RASA1: variants seen among roughly 807,000 people sequenced by gnomAD.
The protein encoded by RASA1 is RAS p21 protein activator 1, also known as ras GTPase-activating protein 1.
Under a neutral mutation model 132.2 loss-of-function variants are expected in RASA1, and 25 were observed. The ratio of observed to expected loss-of-function variants is 0.19; its 90% confidence interval spans 0.14 to 0.26. The LOEUF (loss-of-function observed/expected upper bound fraction) is 0.26, where lower values mean the gene tolerates loss of function less well. Among genes scored for constraint, RASA1 ranks in the 10% least tolerant of loss-of-function variants. The probability of loss-of-function intolerance (pLI) is 1.00; values close to 1 mark genes in which losing one functional copy is unlikely to be tolerated. For synonymous variants in RASA1, 477 were observed against 449.9 expected, an observed-to-expected ratio of 1.06 and a Z score of -0.76; for missense variants, 964 against 1,299.2, an observed-to-expected ratio of 0.74 and a Z score of 3.97.
chr5:87,382,074 C>T (rs773349767), intron 20 of RASA1, among the ~76,000 whole-genome samples: 11 of 152,218 alleles, frequency 7.2e-5, no homozygotes, highest in Non-Finnish European at 1.6e-4. Context: ...GTGCTTCATC[C>T]ACCCAAGTAG....
intron 18 of RASA1, 88 bp downstream of exon 18, chr5:87,378,626 T>C (rs962341935): frequency 1.5e-6 from 2 of 1,338,618 alleles, no homozygotes; most frequent in Non-Finnish European, 2.1e-6. Context: ...TTAAGGAAAA[T>C]ATATTAAATT....
At chr5:87,301,764 G>A (rs554476824) in intron 1 of RASA1, among the ~76,000 whole-genome samples, 58 of 151,822 alleles carry the variant, frequency 3.8e-4, no homozygotes, top group Non-Finnish European at 6.9e-4. Flanking sequence ...AGATTTTGGA[G>A]CATTTTGGAT....
chr5:87,276,463 T>C (rs1249019130), intron 1 of RASA1, among the ~76,000 whole-genome samples: 1 of 152,148 alleles, frequency 6.6e-6, no homozygotes, highest in Admixed American at 6.6e-5. Context: ...GGTATGATGA[T>C]TTTAGGTGTT....
In RASA1 at chr5:87,391,178, A is replaced by G. The variant is rs994469966; in HGVS notation, c.*295A>G. On this transcript the variant is annotated 3_prime_UTR_variant, in exon 25 of 25. Transcript: ENST00000274376. ...AACGAAATGCTATGACTGTATCTTG[A>G]TATCTCGAACTTTCAAAATATATTT... is the stretch of plus-strand genomic sequence containing the variant. 1.6e-5 allele frequency: 8 copies of G among 509,514 alleles called. No individual in the cohort carries two copies. The highest frequency in any genetic ancestry group is 3.4e-5 in the Admixed American group (1 of 29,190). 31.6% of individuals were successfully genotyped at this position (509,514 alleles called of 1,614,324 possible).
At chr5:87,375,024 A>AG (rs1761226830) in intron 15 of RASA1, 108 bp downstream of exon 15, 9 of 1,371,544 alleles carry the variant, frequency 6.6e-6, no homozygotes, top group Admixed American at 2.4e-5. Context: ...AAATGCAAGT[A>AG]GTATAATTTG....
At chr5:87,358,822 A>T (rs1039610112) in intron 9 of RASA1, among the ~76,000 whole-genome samples, 3 of 151,824 alleles carry the variant, frequency 2.0e-5, no homozygotes, top group South Asian at 4.2e-4. Context: ...AATAAGCCAG[A>T]CTCTTTCCTT....
At chr5:87,346,540 ATG>A (rs917143750) in intron 6 of RASA1, 130 bp from the exon 7 acceptor site, 1 of 529,562 alleles carries the variant, frequency 1.9e-6, no homozygotes, top group East Asian at 3.2e-5. Flanking sequence ...TGTAATAAGA[ATG>A]AGATGATTTG....
chr5:87,299,127 A>T (rs1442509914), intron 1 of RASA1, among the ~76,000 whole-genome samples: 2 of 152,234 alleles, frequency 1.3e-5, no homozygotes, highest in Non-Finnish European at 2.9e-5. Flanking sequence ...CCTTAGACAT[A>T]AATACAGGAG....
intron 16 of RASA1, 48 bp downstream of exon 16, chr5:87,376,613 A>G: frequency 6.4e-7 from 1 of 1,569,514 alleles, no homozygotes; most frequent in Non-Finnish European, 8.8e-7. Flanking sequence ...TAACAGAAAC[A>G]TTTAACATTT....
chr5:87,282,378 A>C (rs1754355843), intron 1 of RASA1, among the ~76,000 whole-genome samples: 1 of 152,178 alleles, frequency 6.6e-6, no homozygotes, highest in Non-Finnish European at 1.5e-5. Context: ...GAAGTTGAAA[A>C]ATTTTGTGCC....
At chr5:87,361,291 A>G (rs1211560732) in intron 9 of RASA1, among the ~76,000 whole-genome samples, 1 of 152,216 alleles carries the variant, frequency 6.6e-6, no homozygotes, top group African/African-American at 2.4e-5. Flanking sequence ...CCCTGCTGTA[A>G]GCAATTCATT....
intron 1 of RASA1, among the ~76,000 whole-genome samples, chr5:87,306,529 G>C (rs540345400): frequency 6.6e-6 from 1 of 151,996 alleles, no homozygotes; most frequent in South Asian, 2.1e-4. Context: ...TAATACCTGG[G>C]TGATGAAATG....
At chr5:87,276,566 A>G (rs1754069466) in intron 1 of RASA1, among the ~76,000 whole-genome samples, 1 of 152,202 alleles carries the variant, frequency 6.6e-6, no homozygotes, top group South Asian at 2.1e-4. Flanking sequence ...AAGATGAGGC[A>G]TTACTGGTAG....
intron 1 of RASA1, among the ~76,000 whole-genome samples, chr5:87,288,047 TACCATATATAC>T (rs1464692247): frequency 4.2e-4 from 23 of 55,382 alleles, no homozygotes; most frequent in African/African-American, 8.2e-4. Context: ...ACCATATATA[TACCATATATAC>T]ACACACCATA....
At chr5:87,339,009 T>C (rs1758246351) in intron 5 of RASA1, among the ~76,000 whole-genome samples, 1 of 152,184 alleles carries the variant, frequency 6.6e-6, no homozygotes, top group South Asian at 2.1e-4. Flanking sequence ...AAATATATTG[T>C]ACATTATAAC....
intron 1 of RASA1, among the ~76,000 whole-genome samples, chr5:87,287,567 CAT>C (rs1355892497): frequency 7.0e-6 from 1 of 142,254 alleles, no homozygotes; most frequent in Non-Finnish European, 1.5e-5. Context: ...ATACACCATA[CAT>C]ATACACACCA....
intron 1 of RASA1, among the ~76,000 whole-genome samples, chr5:87,271,555 G>T (rs1238734213): frequency 1.5e-5 from 2 of 130,114 alleles, no homozygotes. Context: ...TGCAAGCTCC[G>T]CCCCGCCCCT....
intron 1 of RASA1, among the ~76,000 whole-genome samples, chr5:87,295,663 C>T (rs550006512): frequency 3.3e-5 from 5 of 152,080 alleles, no homozygotes; most frequent in African/African-American, 1.2e-4. Flanking sequence ...CACCACCATG[C>T]CTGGCTAGTT....
At chr5:87,384,071 G>A (rs1317475962) in intron 21 of RASA1, among the ~76,000 whole-genome samples, 1 of 151,694 alleles carries the variant, frequency 6.6e-6, no homozygotes. Flanking sequence ...GTGACTTCTT[G>A]TAGTCTGCAG....
Sources: allele counts gnomAD v4.1 joint callset (sites outside exome capture counted in the v4.1 genomes callset), GRCh38; gene constraint gnomAD v4.1.1; transcripts MANE v1.5; gene names NCBI Gene and HGNC (gene_info 2026-07-23, HGNC 2026-07-21).